The following PRSS16 variants were observed in gnomAD, a reference collection of about 807,000 sequenced individuals.
PRSS16 encodes serine protease 16, also known as thymus-specific serine protease.
In PRSS16, 43 loss-of-function variants were observed where a neutral mutation model predicts 61.7. That is an observed-to-expected ratio of 0.70 (90% CI 0.55 to 0.90). PRSS16 has a LOEUF of 0.90. Among genes scored for constraint, PRSS16 ranks in the 40% least tolerant of loss-of-function variants. PRSS16 has a pLI of 0.00. For synonymous variants in PRSS16, 273 were observed against 285.2 expected, an observed-to-expected ratio of 0.96 and a Z score of 0.43; for missense variants, 591 against 659.1, an observed-to-expected ratio of 0.90 and a Z score of 1.13.
chr6:27,251,256 T>A lies in PRSS16; in HGVS notation c.709T>A (p.Ser237Thr). ...CCTAATGAGCACCGCGATCGGCGGG[T>A]CCCTGGAGGTAGGAGGTGGGGCCTA... ...RSLMSTAIGGSLECRAAVSVA... is the reference protein window; with the variant it reads ...RSLMSTAIGGTLECRAAVSVA... Residue 237 changes from serine to threonine, a missense_variant, in exon 7 of 12, where the codon TCC (serine) becomes ACC (threonine). Transcript: ENST00000230582. The surrounding 1 kb of genome is among the most constrained non-coding windows in gnomAD (Gnocchi z 5.6). The A allele has an allele frequency of 1.9e-6, 3 of 1,599,742 alleles. No homozygotes were observed. Among genetic ancestry groups the A allele is most frequent in the Non-Finnish European group, 2.6e-6 (3 of 1,174,040 alleles).
chr6:27,251,461 C>T lies in PRSS16; in HGVS notation c.717+197C>T. ...GGGCACCAGGAAAAGAGGCGCTCCC[C>T]AGAGAGGGCGGGGTTTGGGCAGGGA... On this transcript the variant is annotated intron_variant, in intron 7 of 11. Transcript: ENST00000230582. The surrounding 1 kb of genome is among the most constrained non-coding windows in gnomAD (Gnocchi z 5.6). 1.3e-6 allele frequency: 1 copy of T among 793,882 alleles called. No individual in the cohort carries two copies. The highest frequency in any genetic ancestry group is 1.9e-5 in the South Asian group (1 of 51,604). The allele number at this position is 793,882 out of a possible 1,614,324, so 49.2% of individuals were successfully genotyped here.
intron 3 of PRSS16, 24 bp downstream of exon 3, chr6:27,248,970 G>T (rs1256802084): frequency 6.3e-7 from 1 of 1,583,734 alleles, no homozygotes. Flanking sequence ...TTGGGGGAAA[G>T]GAGTTGGGAT....
At chr6:27,250,839 G>T in intron 5 of PRSS16, 33 bp downstream of exon 5, 1 of 1,585,388 alleles carries the variant, frequency 6.3e-7, no homozygotes. Flanking sequence ...GCTGGGGGGA[G>T]GGAACTCGGA....
chr6:27,252,855 A>C lies in PRSS16; in HGVS notation c.1056A>C (p.Ala352=), dbSNP rs199666358. The change falls in exon 9 of 12, where the codon GCA becomes GCC. Residue 352 remains alanine (A), a synonymous_variant. Transcript: ENST00000230582. This position sits in a 1 kb window ranked among gnomAD's most constrained non-coding sequence, Gnocchi z 4.2. ...AGAAGTGTTTAAGCTTTTCCCGAGC[A>C]GAGACAGTGGCACAGCTGAGGAGCA... ...LGQKCLSFSR[A]ETVAQLRSTE... 2 of 1,614,194 alleles carry C rather than the reference A, an allele frequency of 1.2e-6. No individual in the cohort carries two copies. Among genetic ancestry groups the C allele is most frequent in the East Asian group, 4.5e-5 (2 of 44,872 alleles).
At chr6:27,248,813 A>C (rs770716503) in intron 2 of PRSS16, 34 bp from the exon 3 acceptor site, 1 of 1,409,414 alleles carries the variant, frequency 7.1e-7, no homozygotes, top group Admixed American at 1.9e-5. Context: ...GGACTCTCAC[A>C]GTGCCATTTC....
chr6:27,250,001 C>T (rs1164952798), intron 4 of PRSS16, among the ~76,000 whole-genome samples: 1 of 152,208 alleles, frequency 6.6e-6, no homozygotes, highest in Non-Finnish European at 1.5e-5. Flanking sequence ...TTTATTCTTA[C>T]AGAACTTAGC....
intron 3 of PRSS16, 42 bp downstream of exon 3, chr6:27,248,988 G>A: frequency 6.4e-7 from 1 of 1,563,990 alleles, no homozygotes; most frequent in Non-Finnish European, 8.7e-7. Context: ...GATGCTGGTG[G>A]GGACCAGGAA....
chr6:27,248,973 G>A, intron 3 of PRSS16, 27 bp downstream of exon 3: 2 of 1,580,000 alleles, frequency 1.3e-6, no homozygotes, highest in Non-Finnish European at 1.7e-6. Context: ...GGGGAAAGGA[G>A]TTGGGATGCT....
Position 27,251,441 on chromosome 6 carries a change from C to A in PRSS16, c.717+177C>A. 1.1e-6 allele frequency: 1 copy of A among 878,474 alleles called. No homozygotes were observed. Among genetic ancestry groups the A allele is most frequent in the Non-Finnish European group, 1.7e-6 (1 of 595,072 alleles). 54.4% of individuals were successfully genotyped at this position (878,474 alleles called of 1,614,324 possible). A position where few individuals can be genotyped will look rare whatever the true frequency, so the allele number is the denominator to read the frequency against. ...CGGGAGCTGACGAAGAGGAGGGGCA[C>A]CAGGAAAAGAGGCGCTCCCCAGAGA... On this transcript the variant is annotated intron_variant, in intron 7 of 11. Transcript: ENST00000230582. This position sits in a 1 kb window ranked among gnomAD's most constrained non-coding sequence, Gnocchi z 5.6.
rs1206757422 is a variant in PRSS16, at chr6:27,249,164, T to C, written c.402T>C (p.Tyr134=). 6.2e-7 allele frequency: 1 copy of C among 1,609,890 alleles called. No homozygotes were observed. The highest frequency in any genetic ancestry group is 8.5e-7 in the Non-Finnish European group (1 of 1,179,346). Residue 134 remains tyrosine, a synonymous_variant, in exon 4 of 12, where the codon TAT becomes TAC. Coordinates refer to ENST00000230582, the MANE Select transcript of PRSS16 (RefSeq NM_005865.4). ...TGATAAGCCTGGAACACAGATTTTA[T>C]GGCCTGAGTATACCTGCTGGAGGCC... The part of the protein sequence containing the change: ...ALVISLEHRF[Y]GLSIPAGGLE...
Position 27,252,164 on chromosome 6 carries a change from G to A in PRSS16, c.1008+124G>A, listed in dbSNP as rs1024661916. ...CTTCGTTTTCTCATCTGTAAAATGGGGATAACACTTCACAGGGCCGATGGG... is the reference window on the plus strand; with the variant it reads ...CTTCGTTTTCTCATCTGTAAAATGGAGATAACACTTCACAGGGCCGATGGG... On this transcript the variant is annotated intron_variant, in intron 8 of 11. Coordinates refer to ENST00000230582, the MANE Select transcript of PRSS16 (RefSeq NM_005865.4). This position sits in a 1 kb window ranked among gnomAD's most constrained non-coding sequence, Gnocchi z 4.2. 1 of 1,189,468 alleles carries A rather than the reference G, an allele frequency of 8.4e-7. No homozygotes were observed. 73.7% of individuals were successfully genotyped at this position (1,189,468 alleles called of 1,614,324 possible).
At position 27,255,599 on chromosome 6, in the gene PRSS16, G is replaced by A. The variant is rs935255751; in HGVS notation, c.*284G>A. On this transcript the variant is annotated 3_prime_UTR_variant, in exon 12 of 12. Transcript: ENST00000230582. The surrounding 1 kb of genome is among the most constrained non-coding windows in gnomAD (Gnocchi z 4.4). ...AAATGTGACTTATGCTGGTGCCCTCGCCCTGCTGATCAGATTCTGGTTCAA... is the reference window on the plus strand; with the variant it reads ...AAATGTGACTTATGCTGGTGCCCTCACCCTGCTGATCAGATTCTGGTTCAA... 2.1e-5 allele frequency: 7 copies of A among 327,022 alleles called. No homozygotes were observed. Among genetic ancestry groups the A allele is most frequent in the East Asian group, 7.2e-5 (1 of 13,944 alleles). The allele number at this position is 327,022 out of a possible 1,614,324, so 20.3% of individuals were successfully genotyped here. A position where few individuals can be genotyped will look rare whatever the true frequency, so the allele number is the denominator to read the frequency against.
Position 27,255,054 on chromosome 6 carries a change from A to G in PRSS16, c.1399A>G (p.Ile467Val). Residue 467 changes from isoleucine (I) to valine (V), a missense_variant, in exon 11 of 12, where the codon ATC (isoleucine) becomes GTC (valine). Ile to Val is a conservative substitution (Grantham distance 29, BLOSUM62 3). Transcript: ENST00000230582. This position sits in a 1 kb window ranked among gnomAD's most constrained non-coding sequence, Gnocchi z 4.4. ...AGGATCCTCAGAATCAACTCTTCTT[A>G]TCCGCACTGGCTCCCACTGCTTGGA... ...ALGSSESTLL[I>V]RTGSHCLDMA... 16 of 1,614,012 alleles carry G rather than the reference A, an allele frequency of 9.9e-6. No homozygotes were observed. The highest frequency in any genetic ancestry group is 1.4e-5 in the Non-Finnish European group (16 of 1,179,948).
rs1173145774 is a variant in PRSS16, at chr6:27,252,573, A to G, written c.1009-235A>G. Among the ~76,000 whole-genome samples the G allele has an allele frequency of 6.6e-6, 1 of 152,172 alleles. No homozygotes were observed. Among genetic ancestry groups the G allele is most frequent in the African/African-American group, 2.4e-5 (1 of 41,428 alleles). ...ACAGAAAAGGAAACTGAAGTCTGAA[A>G]GATTATCACTTGCCCAAGCTCTCAC... is the stretch of plus-strand genomic sequence containing the variant. On this transcript the variant is annotated intron_variant, in intron 8 of 11. Transcript: ENST00000230582. The surrounding 1 kb of genome is among the most constrained non-coding windows in gnomAD (Gnocchi z 4.2).
rs528520887 is a variant in PRSS16, at chr6:27,254,527, T to C, written c.1151-166T>C. ...CATCACAGCCCTGATCACTGTGGGCTATCACTGTCAGGGGACTGTGTGAGT... is the reference window on the plus strand; with the variant it reads ...CATCACAGCCCTGATCACTGTGGGCCATCACTGTCAGGGGACTGTGTGAGT... On this transcript the variant is annotated intron_variant, in intron 9 of 11. Transcript: ENST00000230582. The C allele has an allele frequency of 1.8e-5, 12 of 666,596 alleles. No individual in the cohort carries two copies. In the African/African-American group the frequency reaches 2.2e-4, roughly 12 times the overall value. 41.3% of individuals were successfully genotyped at this position (666,596 alleles called of 1,614,324 possible). A position where few individuals can be genotyped will look rare whatever the true frequency, so the allele number is the denominator to read the frequency against.
At chr6:27,254,259 A>G (rs1174908708) in intron 9 of PRSS16, 1 of 158,090 alleles carries the variant, frequency 6.3e-6, no homozygotes, top group Non-Finnish European at 1.4e-5. Flanking sequence ...ATCTGATGTT[A>G]CAGAAGTTAT....
chr6:27,248,352 C>G (rs567135618), intron 2 of PRSS16, among the ~76,000 whole-genome samples: 1 of 152,044 alleles, frequency 6.6e-6, no homozygotes, highest in Middle Eastern at 3.4e-3. Flanking sequence ...CCAGACTGGA[C>G]ACAAAACCTA....
At chr6:27,249,758 T>A (rs1313550780) in intron 4 of PRSS16, among the ~76,000 whole-genome samples, 1 of 152,190 alleles carries the variant, frequency 6.6e-6, no homozygotes, top group East Asian at 1.9e-4. Context: ...AACTCTGACC[T>A]ATACTCTCTC....
intron 4 of PRSS16, 127 bp from the exon 5 acceptor site, chr6:27,250,556 G>GA: frequency 7.2e-7 from 1 of 1,391,068 alleles, no homozygotes. Context: ...CACGTCATGA[G>GA]AAAACGGCCC....
Sources: allele counts gnomAD v4.1 joint callset (sites outside exome capture counted in the v4.1 genomes callset), GRCh38; gene constraint gnomAD v4.1.1; non-coding constraint Gnocchi (gnomAD v3.1); transcripts MANE v1.5; gene names NCBI Gene and HGNC (gene_info 2026-07-23, HGNC 2026-07-21).